RBFOX1: variants seen among roughly 807,000 people sequenced by gnomAD.
The protein encoded by RBFOX1 is RNA binding protein fox-1 homolog 1.
RBFOX1 carries 8 observed loss-of-function variants against 57.7 expected under a neutral mutation model. That is an observed-to-expected ratio of 0.14 (90% CI 0.08 to 0.25). The LOEUF (loss-of-function observed/expected upper bound fraction) is 0.25, where lower values mean the gene tolerates loss of function less well. Ranked by LOEUF, RBFOX1 falls within the 10% of genes least tolerant of loss-of-function variation. The pLI is 1.00. For synonymous variants in RBFOX1, 326 were observed against 222.4 expected (o/e 1.47, Z -4.15); for missense variants, 611 against 548.5 (o/e 1.11, Z -1.14).
At chr16:7,203,626 A>T (rs2089226875) in intron 4 of RBFOX1, among the ~76,000 whole-genome samples, 1 of 152,238 alleles carries the variant, frequency 6.6e-6, no homozygotes, top group African/African-American at 2.4e-5. Flanking sequence ...CAGCTGGCAC[A>T]GCTTTGTCCA....
chr16:5,605,459 A>G (rs1350714624), intron 3 of RBFOX1, among the ~76,000 whole-genome samples: 1 of 152,208 alleles, frequency 6.6e-6, no homozygotes, highest in Non-Finnish European at 1.5e-5. Context: ...GAGTGGTGCC[A>G]TTGATGAGTA....
At chr16:7,101,887 T>A (rs1372616212) in intron 4 of RBFOX1, among the ~76,000 whole-genome samples, 3 of 152,110 alleles carry the variant, frequency 2.0e-5, no homozygotes, top group Non-Finnish European at 4.4e-5. Context: ...TGGTAAACTG[T>A]ACCAAAGCAT....
chr16:6,810,618 G>C lies in RBFOX1; in HGVS notation c.-16+155968G>C, dbSNP rs546162704. On this transcript the variant is annotated intron_variant, in intron 3 of 15. Transcript: ENST00000550418. ...AAAGAGCTATAAAGAACTTCCTGGA[G>C]ACTGGGTATTTTATAAAGGAAAGAG... Among the ~76,000 whole-genome samples, 6 of 152,154 alleles carry C rather than the reference G, an allele frequency of 3.9e-5. No homozygotes were observed. The South Asian group carries it at 6.2e-4, about 16-fold the overall frequency.
At chr16:6,051,082 G>A (rs545921568) in intron 1 of RBFOX1, among the ~76,000 whole-genome samples, 2 of 150,332 alleles carry the variant, frequency 1.3e-5, no homozygotes, top group African/African-American at 2.5e-5. Context: ...GATCTGTTAG[G>A]TTGGTACAAA....
chr16:7,505,779 G>T (rs2073071690), intron 4 of RBFOX1, among the ~76,000 whole-genome samples: 1 of 152,166 alleles, frequency 6.6e-6, no homozygotes, highest in Non-Finnish European at 1.5e-5. Flanking sequence ...CCGGAGAAGT[G>T]AAATGAGACA....
intron 2 of RBFOX1, among the ~76,000 whole-genome samples, chr16:6,570,921 T>A (rs2097336067): frequency 6.6e-6 from 1 of 152,218 alleles, no homozygotes; most frequent in Non-Finnish European, 1.5e-5. Flanking sequence ...GGCCTTTGAT[T>A]GAATAACGGT....
Position 6,144,541 on chromosome 16 carries a change from A to G in RBFOX1, c.-127+124549A>G, listed in dbSNP as rs376525437. On this transcript the variant is annotated intron_variant, in intron 1 of 15. Transcript: ENST00000550418. ...AAGAATTACAGTAACTAAGTGAAACATGCATTGGATTTTCAATTTTCTGAT... is the reference window on the plus strand; with the variant it reads ...AAGAATTACAGTAACTAAGTGAAACGTGCATTGGATTTTCAATTTTCTGAT... 9.2e-5 allele frequency among the ~76,000 whole-genome samples: 14 copies of G among 152,324 alleles called. No individual in the cohort carries two copies. In the East Asian group the frequency reaches 2.3e-3, roughly 25 times the overall value.
chr16:6,076,308 AAAAC>A (rs1253942372), intron 1 of RBFOX1, among the ~76,000 whole-genome samples: 5 of 151,740 alleles, frequency 3.3e-5, no homozygotes, highest in African/African-American at 9.7e-5. Context: ...TCAAAAAAAA[AAAAC>A]AACAAACGCA....
intron 2 of RBFOX1, among the ~76,000 whole-genome samples, chr16:6,341,285 T>G (rs2084533494): frequency 6.6e-6 from 1 of 152,162 alleles, no homozygotes; most frequent in African/African-American, 2.4e-5. Flanking sequence ...TCCTTCCATT[T>G]TCAAAGCCGA....
intron 1 of RBFOX1, among the ~76,000 whole-genome samples, chr16:5,328,145 A>G (rs2064638577): frequency 6.6e-6 from 1 of 152,132 alleles, no homozygotes; most frequent in Admixed American, 6.5e-5. Flanking sequence ...GTGTCCCTGC[A>G]AATTCATATG....
At chr16:5,426,243 G>T (rs9930147) in intron 1 of RBFOX1, among the ~76,000 whole-genome samples, 39,952 of 152,070 alleles carry the variant, frequency 0.26, 5,425 homozygotes, top group Non-Finnish European at 0.3. Flanking sequence ...GTAGGTGTTG[G>T]AAGGAGCTGG....
At chr16:5,866,661 T>G (rs763529174) in intron 3 of RBFOX1, among the ~76,000 whole-genome samples, 4 of 152,210 alleles carry the variant, frequency 2.6e-5, no homozygotes, top group Non-Finnish European at 5.9e-5. Flanking sequence ...ATGTTGGGTT[T>G]AAATCTAATT....
intron 3 of RBFOX1, among the ~76,000 whole-genome samples, chr16:6,957,925 C>T (rs549520521): frequency 1.3e-5 from 2 of 152,250 alleles, no homozygotes; most frequent in African/African-American, 2.4e-5. Context: ...CATCTGTGAC[C>T]TAGCCCGAGA....
chr16:6,720,021 G>A (rs1216032997), intron 3 of RBFOX1, among the ~76,000 whole-genome samples: 1 of 151,984 alleles, frequency 6.6e-6, no homozygotes, highest in Admixed American at 6.6e-5. Flanking sequence ...TTGAACCTGG[G>A]AGGCAGAGGT....
chr16:6,042,195 A>G (rs746072378), intron 1 of RBFOX1, among the ~76,000 whole-genome samples: 4 of 151,660 alleles, frequency 2.6e-5, no homozygotes, highest in Non-Finnish European at 4.4e-5. Context: ...CTGCCTCCCA[A>G]GTTCAAGTGG....
chr16:6,483,252 T>C, intron 2 of RBFOX1: 3 of 1,272,294 alleles, frequency 2.4e-6, no homozygotes, highest in Non-Finnish European at 3.0e-6. Context: ...TGGCCTCCCT[T>C]TGTGCGCGCC....
intron 3 of RBFOX1, among the ~76,000 whole-genome samples, chr16:6,700,968 G>A (rs939593672): frequency 9.9e-5 from 15 of 152,060 alleles, no homozygotes; most frequent in African/African-American, 2.2e-4. Flanking sequence ...GAAGGCATTG[G>A]GGGTACCAGA....
At chr16:6,855,059 C>T (rs1453707072) in intron 3 of RBFOX1, among the ~76,000 whole-genome samples, 5 of 151,746 alleles carry the variant, frequency 3.3e-5, no homozygotes, top group Non-Finnish European at 7.4e-5. Flanking sequence ...GGAGTAGGTC[C>T]TGAGAGGAGA....
At chr16:5,893,228 A>G (rs1246409422) in intron 4 of RBFOX1, among the ~76,000 whole-genome samples, 1 of 152,212 alleles carries the variant, frequency 6.6e-6, no homozygotes, top group Non-Finnish European at 1.5e-5. Flanking sequence ...CCCAACACAT[A>G]ATTTTGCACT....
Sources: allele counts gnomAD v4.1 joint callset (sites outside exome capture counted in the v4.1 genomes callset), GRCh38; gene constraint gnomAD v4.1.1; transcripts MANE v1.5; gene names NCBI Gene and HGNC (gene_info 2026-07-23, HGNC 2026-07-21).